KDM4C: variants seen among roughly 807,000 people sequenced by gnomAD.
The protein encoded by KDM4C is lysine demethylase 4C.
KDM4C carries 81 observed loss-of-function variants against 129.3 expected under a neutral mutation model. The ratio of observed to expected loss-of-function variants is 0.63; its 90% confidence interval spans 0.52 to 0.75. The LOEUF is 0.75. Among genes scored for constraint, KDM4C ranks in the 30% least tolerant of loss-of-function variants. The pLI is 0.00. For missense variants in KDM4C, 1,457 were observed against 1,304.0 expected (o/e 1.12, Z -1.81); for synonymous variants, 573 against 456.1 (o/e 1.26, Z -3.26).
At chr9:6,755,028 A>G (rs1226272485), upstream of KDM4C, among the ~76,000 whole-genome samples, 1 of 151,990 alleles carries the variant, frequency 6.6e-6, no homozygotes, top group East Asian at 1.9e-4. Flanking sequence ...ACTTGAGCTC[A>G]GGAGTTTGAG....
At chr9:7,058,714 A>G (rs12003023) in intron 17 of KDM4C, among the ~76,000 whole-genome samples, 6,902 of 152,284 alleles carry the variant, frequency 0.045, 205 homozygotes, top group East Asian at 0.1. Context: ...ATTCTTGAAC[A>G]TGTGCCTTGT....
intron 5 of KDM4C, among the ~76,000 whole-genome samples, chr9:6,879,662 C>A (rs1184583600): frequency 6.6e-6 from 1 of 151,994 alleles, no homozygotes; most frequent in Admixed American, 6.6e-5. Context: ...CCAAAACAAC[C>A]CTAGAGTGCT....
intron 8 of KDM4C, among the ~76,000 whole-genome samples, chr9:6,911,622 A>G (rs1206753190): frequency 1.3e-5 from 2 of 152,376 alleles, no homozygotes; most frequent in South Asian, 2.1e-4. Context: ...TAGCACTTGT[A>G]TAAAATGTTC....
At chr9:6,925,456 CCT>C (rs141050630) in intron 8 of KDM4C, 262,017 of 802,424 alleles carry the variant, frequency 0.33, 44,933 homozygotes, top group South Asian at 0.41. Context: ...CCCCCTTCCC[CCT>C]CTCCTCCCCT....
intron 6 of KDM4C, among the ~76,000 whole-genome samples, chr9:6,884,674 C>G (rs945072955): frequency 1.3e-4 from 20 of 152,234 alleles, no homozygotes; most frequent in Non-Finnish European, 2.5e-4. Context: ...TTTCTCTCCC[C>G]TTTCCTAAAA....
At chr9:6,844,733 G>A (rs1327417101) in intron 4 of KDM4C, among the ~76,000 whole-genome samples, 1 of 152,144 alleles carries the variant, frequency 6.6e-6, no homozygotes, top group Non-Finnish European at 1.5e-5. Flanking sequence ...TGTTGCCCAG[G>A]CTGAAGTGCA....
At chr9:7,032,800 G>T (rs886551325) in intron 15 of KDM4C, among the ~76,000 whole-genome samples, 2 of 152,178 alleles carry the variant, frequency 1.3e-5, no homozygotes, top group African/African-American at 4.8e-5. Flanking sequence ...CCTGAACAAT[G>T]TATTTGACTA....
At chr9:6,912,172 G>A (rs1819438718) in intron 8 of KDM4C, among the ~76,000 whole-genome samples, 1 of 152,138 alleles carries the variant, frequency 6.6e-6, no homozygotes, top group Non-Finnish European at 1.5e-5. Flanking sequence ...CTTATTTCCT[G>A]CCCACCTGCC....
chr9:7,024,080 C>T (rs1205147645), intron 15 of KDM4C, among the ~76,000 whole-genome samples: 2 of 152,136 alleles, frequency 1.3e-5, no homozygotes, highest in East Asian at 1.9e-4. Flanking sequence ...GATCTGTGTG[C>T]AGAGGAAAAG....
intron 18 of KDM4C, among the ~76,000 whole-genome samples, chr9:7,123,999 C>G (rs1204966100): frequency 6.6e-6 from 1 of 152,156 alleles, no homozygotes; most frequent in Non-Finnish European, 1.5e-5. Flanking sequence ...TCTTCATTTC[C>G]TAGATGAAGC....
intron 2 of KDM4C, among the ~76,000 whole-genome samples, chr9:6,797,900 T>TATCAGGTATA (rs1828053568): frequency 1.3e-5 from 2 of 152,204 alleles, no homozygotes; most frequent in Non-Finnish European, 2.9e-5. Context: ...GTATATTCTG[T>TATCAGGTATA]TTTGATATAA....
intron 19 of KDM4C, among the ~76,000 whole-genome samples, chr9:7,142,670 A>G (rs1439210297): frequency 6.6e-6 from 1 of 152,256 alleles, no homozygotes; most frequent in Admixed American, 6.5e-5. Flanking sequence ...ATAATTAGCA[A>G]CTAATATTTA....
At chr9:6,769,429 A>T (rs7861740) in intron 1 of KDM4C, among the ~76,000 whole-genome samples, 1 of 151,958 alleles carries the variant, frequency 6.6e-6, no homozygotes, top group Non-Finnish European at 1.5e-5. Flanking sequence ...GGGATACAAA[A>T]CTTGGAGTCA....
intron 17 of KDM4C, among the ~76,000 whole-genome samples, chr9:7,060,806 C>G (rs1261309315): frequency 6.7e-6 from 1 of 149,578 alleles, no homozygotes; most frequent in Non-Finnish European, 1.5e-5. Context: ...AAGGAGTAGA[C>G]TTTTGATGTA....
At chr9:6,736,980 G>A (rs1009683806) in intron 1 of KDM4C, among the ~76,000 whole-genome samples, 1 of 150,794 alleles carries the variant, frequency 6.6e-6, no homozygotes, top group Non-Finnish European at 1.5e-5. Flanking sequence ...GAACCTGGGA[G>A]GGGGAGGTTG....
intron 1 of KDM4C, among the ~76,000 whole-genome samples, chr9:6,786,266 G>A (rs558107040): frequency 1.3e-5 from 2 of 152,330 alleles, no homozygotes; most frequent in East Asian, 3.8e-4. Context: ...TTAGAACAAG[G>A]AGAGTAGATG....
intron 17 of KDM4C, among the ~76,000 whole-genome samples, chr9:7,060,926 G>A (rs776883470): frequency 3.3e-5 from 5 of 152,122 alleles, no homozygotes; most frequent in Non-Finnish European, 5.9e-5. Flanking sequence ...TTCCCCTACT[G>A]TCCTTACTTC....
chr9:7,138,726 G>A (rs1841460075), intron 19 of KDM4C, among the ~76,000 whole-genome samples: 1 of 152,080 alleles, frequency 6.6e-6, no homozygotes, highest in Admixed American at 6.5e-5. Context: ...GACTGAGGCA[G>A]GAGGAACCCT....
At chr9:6,986,055 C>T (rs1817640255) in intron 10 of KDM4C, among the ~76,000 whole-genome samples, 2 of 152,154 alleles carry the variant, frequency 1.3e-5, no homozygotes, top group African/African-American at 4.8e-5. Context: ...GATGGTTTTG[C>T]CTAAGGGCCC....
Sources: allele counts gnomAD v4.1 joint callset (sites outside exome capture counted in the v4.1 genomes callset), GRCh38; gene constraint gnomAD v4.1.1; transcripts MANE v1.5; gene names NCBI Gene and HGNC (gene_info 2026-07-23, HGNC 2026-07-21).